The following DIPK1A variants were observed in gnomAD, a reference collection of about 807,000 sequenced individuals.
The protein encoded by DIPK1A is divergent protein kinase domain 1A.
A neutral mutation model predicts 40.8 loss-of-function variants in DIPK1A; 27 were observed. The observed-to-expected ratio is 0.66, with a 90% CI of 0.49 to 0.91. DIPK1A has a LOEUF of 0.91. Among genes scored for constraint, DIPK1A ranks in the 40% least tolerant of loss-of-function variants. DIPK1A has a pLI of 0.00. For missense variants in DIPK1A, 412 were observed against 505.7 expected, an observed-to-expected ratio of 0.81 and a Z score of 1.78; for synonymous variants, 166 against 171.3, an observed-to-expected ratio of 0.97 and a Z score of 0.24.
At chr1:92,857,833 C>T in intron 2 of DIPK1A, among the ~76,000 whole-genome samples, 1 of 152,082 alleles carries the variant, frequency 6.6e-6, no homozygotes, top group East Asian at 1.9e-4. Context: ...AGTCTGCCTC[C>T]AGAGCCTGTT....
intron 2 of DIPK1A, among the ~76,000 whole-genome samples, chr1:92,873,093 G>T (rs537520274): frequency 6.6e-6 from 1 of 152,246 alleles, no homozygotes; most frequent in Non-Finnish European, 1.5e-5. Flanking sequence ...CAGGGTAAAA[G>T]AGGCCATAAA....
rs547786900 is a variant in DIPK1A, at chr1:92,851,524, G to T, written c.190-569C>A. On this transcript the variant is annotated intron_variant, in intron 2 of 4. Transcript: ENST00000370310. ...TGCCACTGCACTCCAGCCTGGGTGA[G>T]AGAGTGAGACCCTATCTCAAAAAAA... Among the ~76,000 whole-genome samples, 449 of 104,228 alleles carry T rather than the reference G, an allele frequency of 4.3e-3. 3 individuals carry two copies. Among genetic ancestry groups the T allele is most frequent in the Non-Finnish European group, 6.3e-3 (355 of 56,062 alleles). The allele number at this position is 104,228 out of a possible 152,430, so 68.4% of individuals were successfully genotyped here.
At chr1:92,873,847 G>A (rs903221581) in intron 2 of DIPK1A, among the ~76,000 whole-genome samples, 3 of 152,206 alleles carry the variant, frequency 2.0e-5, no homozygotes, top group East Asian at 3.9e-4. Context: ...AAGTAGGTGG[G>A]ACAACATGTG....
At chr1:92,876,882 A>G (rs1262511203) in intron 1 of DIPK1A, 9 of 582,174 alleles carry the variant, frequency 1.5e-5, no homozygotes, top group Non-Finnish European at 1.7e-5. Flanking sequence ...AAATCTGGCT[A>G]TTTGTCTAAT....
chr1:92,842,837 CTGAA>C lies in DIPK1A; in HGVS notation c.*542_*545del. On this transcript the variant is annotated 3_prime_UTR_variant, in exon 5 of 5. Coordinates refer to ENST00000370310, the MANE Select transcript of DIPK1A (RefSeq NM_001006605.5). ...TGTGAAGCTACACATAACTTGATGT[CTGAA>C]TGAGGTTAAAAATGGGTGTATAAGT... is the stretch of plus-strand genomic sequence containing the variant. 1 of 985,458 alleles carries C rather than the reference CTGAA, an allele frequency of 1.0e-6. No homozygotes were observed. The highest frequency in any genetic ancestry group is 1.2e-6 in the Non-Finnish European group (1 of 829,988). 61.0% of individuals were successfully genotyped at this position (985,458 alleles called of 1,614,324 possible). A position where few individuals can be genotyped will look rare whatever the true frequency, so the allele number is the denominator to read the frequency against.
At chr1:92,870,767 C>T (rs1056623365) in intron 2 of DIPK1A, among the ~76,000 whole-genome samples, 1 of 152,182 alleles carries the variant, frequency 6.6e-6, no homozygotes, top group Non-Finnish European at 1.5e-5. Flanking sequence ...TAGAGTACAG[C>T]CTTGCTCAAG....
At chr1:92,863,592 C>T (rs1647387081) in intron 2 of DIPK1A, among the ~76,000 whole-genome samples, 1 of 144,642 alleles carries the variant, frequency 6.9e-6, no homozygotes, top group Non-Finnish European at 1.5e-5. Flanking sequence ...AAAAAAAACC[C>T]ACAAAAATTA....
rs1687398952 is a variant in DIPK1A at position 92,842,312 on chromosome 1, C to T, written c.*1071G>A. On this transcript the variant is annotated 3_prime_UTR_variant, in exon 5 of 5. Transcript: ENST00000370310. ...GGTCACATAGATTTTTAACATGTTCCACTTTAGGTAGGCGAAACCTTTGAG... is the reference window on the plus strand; with the variant it reads ...GGTCACATAGATTTTTAACATGTTCTACTTTAGGTAGGCGAAACCTTTGAG... The T allele has an allele frequency of 1.0e-6, 1 of 986,132 alleles. No homozygotes were observed. The allele number at this position is 986,132 out of a possible 1,614,324, so 61.1% of individuals were successfully genotyped here.
chr1:92,961,458 C>A lies in DIPK1A; in HGVS notation c.-29G>T. 6.9e-7 allele frequency: 1 copy of A among 1,456,124 alleles called. No homozygotes were observed. The highest frequency in any genetic ancestry group is 9.1e-7 in the Non-Finnish European group (1 of 1,094,588). 90.2% of individuals were successfully genotyped at this position (1,456,124 alleles called of 1,614,324 possible). On this transcript the variant is annotated 5_prime_UTR_variant, in exon 1 of 5. Coordinates refer to ENST00000370310, the MANE Select transcript of DIPK1A (RefSeq NM_001006605.5). ...AATCACACATCGCCCCGCCGCGCTG[C>A]AGTCAGAGGCGGACCCGAGCGCTGG...
intron 2 of DIPK1A, among the ~76,000 whole-genome samples, chr1:92,854,257 C>T (rs1418731612): frequency 6.6e-6 from 1 of 152,164 alleles, no homozygotes; most frequent in Non-Finnish European, 1.5e-5. Flanking sequence ...TAGCACTATA[C>T]ATTTATTACC....
chr1:92,884,050 C>T (rs1648494282), intron 1 of DIPK1A, among the ~76,000 whole-genome samples: 2 of 152,134 alleles, frequency 1.3e-5, no homozygotes, highest in African/African-American at 4.8e-5. Context: ...TGTATTTATG[C>T]CTAAGTTGAC....
intron 1 of DIPK1A, among the ~76,000 whole-genome samples, chr1:92,924,467 G>A (rs2100859647): frequency 6.6e-6 from 1 of 152,026 alleles, no homozygotes; most frequent in African/African-American, 2.4e-5. Context: ...AAGGGGAACT[G>A]AAAAAAGAGG....
rs915683414 is a variant in DIPK1A, at chr1:92,846,391, C to T, written c.474+792G>A. ...ACTAGAACTTATTCTGCCTATCTAGCGGTAATTTTGTATCTGTTAACCAAC... is the reference window on the plus strand; with the variant it reads ...ACTAGAACTTATTCTGCCTATCTAGTGGTAATTTTGTATCTGTTAACCAAC... On this transcript the variant is annotated intron_variant, in intron 4 of 4. Coordinates refer to ENST00000370310, the MANE Select transcript of DIPK1A (RefSeq NM_001006605.5). Among the ~76,000 whole-genome samples, 4 of 152,024 alleles carry T rather than the reference C, an allele frequency of 2.6e-5. No individual in the cohort carries two copies. In the East Asian group the frequency reaches 7.7e-4, roughly 29 times the overall value.
At chr1:92,915,561 A>T (rs1242739550) in intron 1 of DIPK1A, among the ~76,000 whole-genome samples, 1 of 152,226 alleles carries the variant, frequency 6.6e-6, no homozygotes, top group Non-Finnish European at 1.5e-5. Flanking sequence ...TGACAGTATC[A>T]GTAAGAATAG....
At chr1:92,832,947 G>A (rs1313333926) in exon 5 of DIPK1A, 8 of 710,080 alleles carry the variant, frequency 1.1e-5, no homozygotes, top group Admixed American at 2.0e-5. Flanking sequence ...GGGACATAGC[G>A]TGTTCCGAAC....
In DIPK1A at chr1:92,834,783, C is replaced by T. The variant is rs1164645812; in HGVS notation, c.475-1749G>A. The T allele has an allele frequency of 6.2e-7, 1 of 1,613,068 alleles. No homozygotes were observed. The stretch of plus-strand genomic sequence containing the variant: ...CTAGTTTCTCTCTTACTATAGATTG[C>T]TTATGCCCGTATAGAGGGGGATATG... On this transcript the variant is annotated intron_variant, in intron 4 of 4. Coordinates refer to the DIPK1A transcript ENST00000615519.
intron 2 of DIPK1A, among the ~76,000 whole-genome samples, chr1:92,860,269 C>T (rs969713453): frequency 1.3e-5 from 2 of 152,090 alleles, no homozygotes; most frequent in Admixed American, 1.3e-4. Context: ...ACACAGTTTG[C>T]TGGACCTGTC....
chr1:92,950,647 G>A (rs1212352695), intron 1 of DIPK1A, among the ~76,000 whole-genome samples: 2 of 152,176 alleles, frequency 1.3e-5, no homozygotes, highest in Admixed American at 1.3e-4. Context: ...CTGGGACGAC[G>A]CTGCAGTGAG....
At chr1:92,852,495 C>T (rs149782831) in intron 2 of DIPK1A, among the ~76,000 whole-genome samples, 15 of 150,696 alleles carry the variant, frequency 1.0e-4, no homozygotes, top group East Asian at 3.9e-4. Context: ...AGCGAATCTC[C>T]GTCTCAAAAA....
Sources: gnomAD v4.1 joint callset for allele counts (sites outside exome capture counted in the v4.1 genomes callset) on GRCh38, gnomAD v4.1.1 for gene constraint, MANE v1.5 for transcripts, NCBI Gene and HGNC (gene_info 2026-07-23, HGNC 2026-07-21) for gene names.